Variants in AGBL4 observed in about 807,000 individuals in gnomAD.
The protein encoded by AGBL4 is cytosolic carboxypeptidase 6.
AGBL4 carries 58 observed loss-of-function variants against 66.4 expected under a neutral mutation model. That is an observed-to-expected ratio of 0.87 (90% CI 0.71 to 1.09). The LOEUF (loss-of-function observed/expected upper bound fraction) is 1.09. Among genes scored for constraint, AGBL4 ranks in the 50% least tolerant of loss-of-function variants. The probability of loss-of-function intolerance (pLI) is 0.00; values close to 1 mark genes in which losing one functional copy is unlikely to be tolerated. For synonymous variants in AGBL4, 234 were observed against 222.9 expected (o/e 1.05, Z -0.44); for missense variants, 579 against 631.0 (o/e 0.92, Z 0.88).
intron 2 of AGBL4, among the ~76,000 whole-genome samples, chr1:49,814,762 G>A (rs1334948255): frequency 5.9e-5 from 9 of 152,038 alleles, no homozygotes; most frequent in Admixed American, 5.9e-4. Flanking sequence ...GAATATCTAG[G>A]TCTAGTGCTA....
intron 6 of AGBL4, among the ~76,000 whole-genome samples, chr1:48,751,248 T>C (rs932622493): frequency 1.3e-5 from 2 of 152,182 alleles, no homozygotes; most frequent in African/African-American, 4.8e-5. Flanking sequence ...TGGTGGGCTT[T>C]TAAATTAAGC....
intron 3 of AGBL4, among the ~76,000 whole-genome samples, chr1:49,648,466 G>C (rs888356202): frequency 6.6e-6 from 1 of 151,970 alleles, no homozygotes; most frequent in Non-Finnish European, 1.5e-5. Context: ...TGATGACTAA[G>C]AGTTCTCCCA....
At chr1:49,777,253 C>T (rs1644221716) in intron 2 of AGBL4, among the ~76,000 whole-genome samples, 2 of 151,862 alleles carry the variant, frequency 1.3e-5, no homozygotes, top group South Asian at 4.1e-4. Context: ...ATCATTTAGA[C>T]CCATAAAAGT....
chr1:49,308,571 A>G (rs1644890027), intron 3 of AGBL4, among the ~76,000 whole-genome samples: 1 of 152,116 alleles, frequency 6.6e-6, no homozygotes, highest in African/African-American at 2.4e-5. Context: ...TAGAATGAGG[A>G]CCATATCCCA....
intron 3 of AGBL4, among the ~76,000 whole-genome samples, chr1:49,277,754 C>T (rs1345122936): frequency 2.0e-5 from 3 of 148,508 alleles, no homozygotes; most frequent in African/African-American, 2.5e-5. Context: ...AAAAAAAAGA[C>T]GGGTGTTCTT....
intron 3 of AGBL4, among the ~76,000 whole-genome samples, chr1:49,288,813 A>C (rs931309316): frequency 6.6e-6 from 1 of 152,218 alleles, no homozygotes; most frequent in Non-Finnish European, 1.5e-5. Flanking sequence ...CATATACCTG[A>C]ATTGATATAT....
chr1:49,452,122 C>T (rs1422891605), intron 3 of AGBL4, among the ~76,000 whole-genome samples: 1 of 151,826 alleles, frequency 6.6e-6, no homozygotes, highest in Non-Finnish European at 1.5e-5. Flanking sequence ...AATTACATGA[C>T]CTCCACTGGT....
chr1:49,915,681 G>C (rs1391721751), intron 1 of AGBL4, among the ~76,000 whole-genome samples: 1 of 152,186 alleles, frequency 6.6e-6, no homozygotes, highest in Non-Finnish European at 1.5e-5. Context: ...CGAACAAAAG[G>C]CAGCAGAAAC....
At chr1:49,923,909 T>C (rs1397692666) in intron 1 of AGBL4, among the ~76,000 whole-genome samples, 1 of 152,172 alleles carries the variant, frequency 6.6e-6, no homozygotes. Flanking sequence ...GACAGTGTGG[T>C]GATTCCTCGA....
At chr1:48,965,549 C>T (rs924745013) in intron 5 of AGBL4, among the ~76,000 whole-genome samples, 4 of 152,032 alleles carry the variant, frequency 2.6e-5, no homozygotes, top group African/African-American at 9.7e-5. Flanking sequence ...GTGGTAGCAC[C>T]GGTTTCAGCT....
At chr1:49,000,950 A>C (rs946889053) in intron 5 of AGBL4, among the ~76,000 whole-genome samples, 1 of 152,200 alleles carries the variant, frequency 6.6e-6, no homozygotes, top group South Asian at 2.1e-4. Flanking sequence ...GGTATAGTGA[A>C]GTGAAGAGAA....
intron 4 of AGBL4, among the ~76,000 whole-genome samples, chr1:49,197,764 C>A (rs1647346868): frequency 6.6e-6 from 1 of 152,202 alleles, no homozygotes; most frequent in Non-Finnish European, 1.5e-5. Context: ...AACCATGCCT[C>A]TCAGGCAAAT....
chr1:49,528,126 G>A (rs1650812019), intron 3 of AGBL4, among the ~76,000 whole-genome samples: 1 of 152,000 alleles, frequency 6.6e-6, no homozygotes, highest in African/African-American at 2.4e-5. Flanking sequence ...CTAATATGAT[G>A]CACAGGGTAG....
intron 3 of AGBL4, among the ~76,000 whole-genome samples, chr1:49,394,878 G>C (rs893523545): frequency 1.4e-4 from 21 of 152,070 alleles, no homozygotes; most frequent in African/African-American, 4.6e-4. Flanking sequence ...AGAAAATCAG[G>C]TGTTTATTTT....
chr1:48,975,152 G>A (rs1363356242), intron 5 of AGBL4, among the ~76,000 whole-genome samples: 1 of 152,122 alleles, frequency 6.6e-6, no homozygotes, highest in Non-Finnish European at 1.5e-5. Context: ...GGGGTCTGGG[G>A]CATATTGGAA....
chr1:48,852,860 G>A (rs955233253), intron 6 of AGBL4, among the ~76,000 whole-genome samples: 7 of 152,120 alleles, frequency 4.6e-5, no homozygotes, highest in Non-Finnish European at 1.0e-4. Flanking sequence ...AGATAAGTGG[G>A]TCTGAAGGAA....
chr1:48,548,524 C>G (rs1203013885), intron 11 of AGBL4, among the ~76,000 whole-genome samples: 1 of 152,222 alleles, frequency 6.6e-6, no homozygotes, highest in African/African-American at 2.4e-5. Flanking sequence ...GGTCCAGGTC[C>G]TCTTCACCTC....
intron 1 of AGBL4, among the ~76,000 whole-genome samples, chr1:50,010,473 C>CACAA (rs1553160081): frequency 6.6e-6 from 1 of 151,176 alleles, no homozygotes; most frequent in Non-Finnish European, 1.5e-5. Context: ...ACCACAAACA[C>CACAA]ACACACACAC....
chr1:48,869,197 T>TTTA (rs1199472565), intron 5 of AGBL4, among the ~76,000 whole-genome samples: 4 of 152,204 alleles, frequency 2.6e-5, no homozygotes, highest in African/African-American at 9.6e-5. Context: ...AGTTGACACT[T>TTTA]TCAAGCAAAC....
Sources: gnomAD v4.1 joint callset for allele counts (sites outside exome capture counted in the v4.1 genomes callset) on GRCh38, gnomAD v4.1.1 for gene constraint, MANE v1.5 for transcripts, NCBI Gene and HGNC (gene_info 2026-07-23, HGNC 2026-07-21) for gene names.